ZBTB24: variants seen among roughly 807,000 people sequenced by gnomAD.
ZBTB24 encodes the protein zinc finger and BTB domain-containing protein 24.
ZBTB24 carries 32 observed loss-of-function variants against 53.8 expected under a neutral mutation model. The observed-to-expected ratio is 0.60, with a 90% CI of 0.45 to 0.80. The LOEUF is 0.80. ZBTB24 is among the 30% of genes least tolerant of loss of function. The pLI is 0.00. For missense variants in ZBTB24, 722 were observed against 837.1 expected (o/e 0.86, Z 1.70); for synonymous variants, 297 against 306.7 (o/e 0.97, Z 0.33).
At chr6:109,482,148 A>C in intron 1 of ZBTB24, 94 bp from the exon 2 acceptor site, 2 of 918,016 alleles carry the variant, frequency 2.2e-6, no homozygotes, top group Non-Finnish European at 3.5e-6. Flanking sequence ...CACATCATTA[A>C]CTGAATTTTA....
chr6:109,476,683 A>C, intron 3 of ZBTB24, 80 bp downstream of exon 3: 2 of 1,547,108 alleles, frequency 1.3e-6, no homozygotes, highest in Non-Finnish European at 1.7e-6. Flanking sequence ...AGGCTGAGAA[A>C]ACACCATTTA....
At position 109,476,879 on chromosome 6, in the gene ZBTB24, T is replaced by A. The variant is rs1365155498; in HGVS notation, c.1004A>T (p.His335Leu). The change falls in exon 3 of 7, where the codon CAC becomes CTC. Residue 335 changes from histidine (H) to leucine (L), a missense_variant. By Grantham distance (99) the His-to-Leu change is moderately conservative. Transcript: ENST00000230122. ...CATCCTGGTGTGGACCTGTAGCGAG[T>A]GCTTCTGGGCAAAGCCTTTTCCACA... is the stretch of plus-strand genomic sequence containing the variant. Reference protein sequence around the residue: ...NECGKGFAQKHSLQVHTRMHT... With the variant: ...NECGKGFAQKLSLQVHTRMHT... 24 of 1,614,116 alleles carry A rather than the reference T, an allele frequency of 1.5e-5. No homozygotes were observed. Among genetic ancestry groups the A allele is most frequent in the Non-Finnish European group, 2.0e-5 (24 of 1,180,042 alleles).
Position 109,466,122 on chromosome 6 carries a change from G to A in ZBTB24, c.1823C>T (p.Ser608Leu). Residue 608 changes from serine to leucine, a missense_variant, in exon 7 of 7, where the codon TCA (serine) becomes TTA (leucine). Coordinates refer to ENST00000230122, the MANE Select transcript of ZBTB24 (RefSeq NM_014797.3). Reference protein sequence around the residue: ...QPEQLQNLILSAQQEQTEHIQ... With the variant: ...QPEQLQNLILLAQQEQTEHIQ... The stretch of plus-strand genomic sequence containing the variant: ...GTGTTCTGTTTGCTCCTGTTGAGCT[G>A]AAAGAATTAAATTCTGCAGTTGCTC... 1 of 1,614,262 alleles carries A rather than the reference G, an allele frequency of 6.2e-7. No homozygotes were observed. The highest frequency in any genetic ancestry group is 8.5e-7 in the Non-Finnish European group (1 of 1,180,050).
rs568967666 is a variant in ZBTB24, at chr6:109,481,207, C to T, written c.820G>A (p.Glu274Lys). The T allele has an allele frequency of 1.2e-6, 2 of 1,614,232 alleles. No individual in the cohort carries two copies. The highest frequency in any genetic ancestry group is 1.3e-5 in the African/African-American group (1 of 75,054). The stretch of plus-strand genomic sequence containing the variant: ...ATCCTCTTGGCTGAACCATGGTCCT[C>T]TTGATCCCCAACAAGTTTGTAATCT... Reference protein sequence around the residue: ...LKDYKLVGDQEDHGSAKRICG... With the variant: ...LKDYKLVGDQKDHGSAKRICG... Residue 274 changes from glutamate to lysine, a missense_variant, in exon 2 of 7, where the codon GAG becomes AAG. Coordinates refer to ENST00000230122, the MANE Select transcript of ZBTB24 (RefSeq NM_014797.3).
rs989542285 is a variant in ZBTB24 at position 109,463,499 on chromosome 6, C to A, written c.*2352G>T. On this transcript the variant is annotated 3_prime_UTR_variant, in exon 7 of 7. Transcript: ENST00000230122. ...TGCTTATCAAGCATTTGCACTGTGTCCCATGCAACAAGGAACTGGATTTTA... is the reference window on the plus strand; with the variant it reads ...TGCTTATCAAGCATTTGCACTGTGTACCATGCAACAAGGAACTGGATTTTA... 59 of 152,050 alleles carry A rather than the reference C, an allele frequency of 3.9e-4. No homozygotes were observed. Among genetic ancestry groups the A allele is most frequent in the African/African-American group, 1.4e-3 (56 of 41,386 alleles). The allele number at this position is 152,050 out of a possible 1,614,324, so 9.4% of individuals were successfully genotyped here. A position where few individuals can be genotyped will look rare whatever the true frequency, so the allele number is the denominator to read the frequency against.
chr6:109,481,248 C>T lies in ZBTB24; in HGVS notation c.779G>A (p.Arg260Lys). The T allele has an allele frequency of 1.9e-6, 3 of 1,614,244 alleles. No homozygotes were observed. The highest frequency in any genetic ancestry group is 2.5e-6 in the Non-Finnish European group (3 of 1,180,046). The change falls in exon 2 of 7, where the codon AGA (arginine) becomes AAA (lysine). Residue 260 changes from arginine (R) to lysine (K), a missense_variant. Arg to Lys is a conservative substitution (Grantham distance 26). Coordinates refer to ENST00000230122, the MANE Select transcript of ZBTB24 (RefSeq NM_014797.3). ...QSRYSKRRIWRSVKLKDYKLV... is the reference protein window; with the variant it reads ...QSRYSKRRIWKSVKLKDYKLV... ...TTTGTAATCTTTAAGTTTGACGGATCTCCAAATCCTCCGCTTGCTGTATCG... is the reference window on the plus strand; with the variant it reads ...TTTGTAATCTTTAAGTTTGACGGATTTCCAAATCCTCCGCTTGCTGTATCG...
intron 5 of ZBTB24, among the ~76,000 whole-genome samples, chr6:109,470,865 A>G (rs1776151147): frequency 1.3e-5 from 2 of 152,210 alleles, no homozygotes; most frequent in African/African-American, 2.4e-5. Context: ...AGGTCATCCA[A>G]TGCATGCCGT....
Position 109,467,637 on chromosome 6 carries a change from A to G in ZBTB24, c.1370+16T>C, listed in dbSNP as rs746002515. 6.2e-7 allele frequency: 1 copy of G among 1,614,246 alleles called. No homozygotes were observed. Among genetic ancestry groups the G allele is most frequent in the Non-Finnish European group, 8.5e-7 (1 of 1,180,038 alleles). ...AATGAGGCCTCCATGCGAGAAAAATATCTGCAAAACTTTACCGATGGATTC... is the reference window on the plus strand; with the variant it reads ...AATGAGGCCTCCATGCGAGAAAAATGTCTGCAAAACTTTACCGATGGATTC... On this transcript the variant is annotated intron_variant, in intron 6 of 6. Coordinates refer to ENST00000230122, the MANE Select transcript of ZBTB24 (RefSeq NM_014797.3).
intron 3 of ZBTB24, among the ~76,000 whole-genome samples, chr6:109,476,501 G>A (rs1250299479): frequency 2.6e-5 from 4 of 152,170 alleles, no homozygotes; most frequent in African/African-American, 9.7e-5. Context: ...CCCGAAAGGC[G>A]TTCAAAGTAA....
rs895894678 is a variant in ZBTB24, at chr6:109,471,288, T to A, written c.1289-3554A>T. Among the ~76,000 whole-genome samples the A allele has an allele frequency of 2.6e-5, 4 of 152,204 alleles. No homozygotes were observed. In the South Asian group the frequency reaches 8.3e-4, roughly 31 times the overall value. ...CTGTCCTGTGTTCACACCTCTGCTGTGGCTCTGACCACGCCATACTGTTTC... is the reference window on the plus strand; with the variant it reads ...CTGTCCTGTGTTCACACCTCTGCTGAGGCTCTGACCACGCCATACTGTTTC... On this transcript the variant is annotated intron_variant, in intron 5 of 6. Coordinates refer to ENST00000230122, the MANE Select transcript of ZBTB24 (RefSeq NM_014797.3).
intron 6 of ZBTB24, 137 bp downstream of exon 6, chr6:109,467,516 A>G: frequency 6.5e-7 from 1 of 1,546,770 alleles, no homozygotes. Flanking sequence ...AACAAAACAA[A>G]GCCAAAGTAA....
chr6:109,469,633 C>A (rs940842634), intron 5 of ZBTB24, among the ~76,000 whole-genome samples: 1 of 152,172 alleles, frequency 6.6e-6, no homozygotes, highest in African/African-American at 2.4e-5. Flanking sequence ...CACTGATAGA[C>A]CATCAATAAA....
chr6:109,469,213 G>C (rs1307672627), intron 5 of ZBTB24, among the ~76,000 whole-genome samples: 1 of 152,158 alleles, frequency 6.6e-6, no homozygotes, highest in Non-Finnish European at 1.5e-5. Flanking sequence ...TCAGAGCTGG[G>C]GCCTTCTCTG....
chr6:109,478,690 G>T (rs1031751416), intron 2 of ZBTB24, among the ~76,000 whole-genome samples: 4 of 152,018 alleles, frequency 2.6e-5, no homozygotes, highest in Non-Finnish European at 5.9e-5. Context: ...AACAGCCTAA[G>T]AAATAAATAA....
chr6:109,468,325 A>G (rs1432800835), intron 5 of ZBTB24, among the ~76,000 whole-genome samples: 1 of 151,942 alleles, frequency 6.6e-6, no homozygotes, highest in Admixed American at 6.6e-5. Context: ...AGGTCATTTT[A>G]TGCTTGGGCT....
intron 2 of ZBTB24, among the ~76,000 whole-genome samples, chr6:109,479,511 T>C (rs947402815): frequency 6.6e-5 from 10 of 152,208 alleles, no homozygotes; most frequent in African/African-American, 9.7e-5. Context: ...AATTGAACCA[T>C]TGTGAGTCGG....
intron 5 of ZBTB24, among the ~76,000 whole-genome samples, chr6:109,469,447 T>A (rs1461159335): frequency 6.6e-6 from 1 of 152,214 alleles, no homozygotes; most frequent in Non-Finnish European, 1.5e-5. Context: ...AGGAGCAACA[T>A]CCTGCAGTGG....
chr6:109,466,392 G>A lies in ZBTB24; in HGVS notation c.1553C>T (p.Ala518Val), dbSNP rs1042762656. 6.2e-7 allele frequency: 1 copy of A among 1,614,060 alleles called. No homozygotes were observed. Among genetic ancestry groups the A allele is most frequent in the Non-Finnish European group, 8.5e-7 (1 of 1,180,046 alleles). The part of the protein sequence containing the change: ...HLKIHSKEKH[A>V]SDASSISGSS... Reference sequence around the variant, plus strand: ...GCCAGAAATGCTGCTGGCATCTGAAGCATGCTTCTCCTTGCTATGAATTTT... The same window carrying A: ...GCCAGAAATGCTGCTGGCATCTGAAACATGCTTCTCCTTGCTATGAATTTT... The change falls in exon 7 of 7, where the codon GCT becomes GTT. Residue 518 changes from alanine (A) to valine (V), a missense_variant. Physicochemically the swap from Ala to Val is moderately conservative, Grantham distance 64 (BLOSUM62 0). Coordinates refer to ENST00000230122, the MANE Select transcript of ZBTB24 (RefSeq NM_014797.3).
chr6:109,477,124 T>C (rs1776296195), intron 2 of ZBTB24, among the ~76,000 whole-genome samples, 194 bp from the exon 3 acceptor site: 1 of 152,184 alleles, frequency 6.6e-6, no homozygotes, highest in Admixed American at 6.5e-5. Flanking sequence ...TGAGTAGCAC[T>C]AACATAACCT....
Sources: gnomAD v4.1 joint callset for allele counts (sites outside exome capture counted in the v4.1 genomes callset) on GRCh38, gnomAD v4.1.1 for gene constraint, MANE v1.5 for transcripts, NCBI Gene and HGNC (gene_info 2026-07-23, HGNC 2026-07-21) for gene names.